Variants in TENM4 observed in about 807,000 individuals in gnomAD.
TENM4 encodes the protein teneurin-4.
TENM4 carries 82 observed loss-of-function variants against 243.3 expected under a neutral mutation model. That is an observed-to-expected ratio of 0.34 (90% CI 0.28 to 0.40). The LOEUF is 0.40. Ranked by LOEUF, TENM4 falls within the 10% of genes least tolerant of loss-of-function variation. The pLI, the probability that TENM4 is intolerant of heterozygous loss-of-function variation, is 1.00. For synonymous variants in TENM4, 1,412 were observed against 1,456.3 expected, an observed-to-expected ratio of 0.97 and a Z score of 0.69; for missense variants, 3,138 against 3,673.3, an observed-to-expected ratio of 0.85 and a Z score of 3.77.
At chr11:79,260,813 T>G (rs1444555780) in intron 2 of TENM4, among the ~76,000 whole-genome samples, 3 of 152,216 alleles carry the variant, frequency 2.0e-5, no homozygotes, top group African/African-American at 4.8e-5. Flanking sequence ...TGACACAGAC[T>G]GGCCTGAGGT....
chr11:79,164,235 CAG>C (rs1284882657), intron 3 of TENM4, among the ~76,000 whole-genome samples: 8 of 56,780 alleles, frequency 1.4e-4, no homozygotes, highest in Admixed American at 3.8e-4. Flanking sequence ...ATACTATATA[CAG>C]TATATATAGT....
intron 12 of TENM4, among the ~76,000 whole-genome samples, chr11:78,823,301 C>A (rs1177741687): frequency 6.6e-6 from 1 of 152,218 alleles, no homozygotes; most frequent in Non-Finnish European, 1.5e-5. Context: ...GACAACACCT[C>A]GCCCCGTTCC....
chr11:79,005,847 C>G (rs1858466760), intron 6 of TENM4, among the ~76,000 whole-genome samples: 1 of 152,102 alleles, frequency 6.6e-6, no homozygotes, highest in African/African-American at 2.4e-5. Flanking sequence ...TAGAAAACTC[C>G]ACAGTTTCTA....
intron 6 of TENM4, chr11:78,962,228 G>A (rs959751884): frequency 6.6e-6 from 1 of 152,444 alleles, no homozygotes; most frequent in Non-Finnish European, 1.5e-5. Context: ...CTGAGTCCGG[G>A]GTTGGCTGGG....
intron 2 of TENM4, among the ~76,000 whole-genome samples, chr11:79,233,101 C>T (rs567774663): frequency 2.0e-5 from 3 of 152,162 alleles, no homozygotes; most frequent in African/African-American, 7.2e-5. Context: ...CATGCCAGCC[C>T]CTCTAGAAGC....
In TENM4 at chr11:78,670,529, C is replaced by T. The variant is rs1858296675; in HGVS notation, c.5816G>A (p.Ser1939Asn). The T allele has an allele frequency of 6.2e-7, 1 of 1,609,572 alleles. No individual in the cohort carries two copies. The highest frequency in any genetic ancestry group is 8.5e-7 in the Non-Finnish European group (1 of 1,178,142). ...LEKSMVLLLHSQRQYIFEFDK... is the reference protein window; with the variant it reads ...LEKSMVLLLHNQRQYIFEFDK... Reference sequence around the variant, plus strand: ...GAACTCAAAGATATACTGCCTCTGGCTGTGTAGTAGCAGCACCATGGACTG... The same window carrying T: ...GAACTCAAAGATATACTGCCTCTGGTTGTGTAGTAGCAGCACCATGGACTG... The change falls in exon 32 of 34, where the codon AGC (serine) becomes AAC (asparagine). Residue 1939 changes from serine (S) to asparagine (N), a missense_variant. By Grantham distance (46) the Ser-to-Asn change is conservative. Coordinates refer to ENST00000278550, the MANE Select transcript of TENM4 (RefSeq NM_001098816.3).
chr11:79,030,098 G>A (rs1859188293), intron 6 of TENM4, among the ~76,000 whole-genome samples: 8 of 152,098 alleles, frequency 5.3e-5, no homozygotes, highest in Admixed American at 5.2e-4. Context: ...CTTTTCATTC[G>A]GCAATCAGGC....
chr11:79,033,957 A>C (rs1045899354), intron 6 of TENM4, among the ~76,000 whole-genome samples: 29 of 152,212 alleles, frequency 1.9e-4, no homozygotes, highest in African/African-American at 6.3e-4. Flanking sequence ...ATCATTAATC[A>C]TAGGAGGCAT....
At chr11:79,182,217 A>G (rs1183736233) in intron 3 of TENM4, among the ~76,000 whole-genome samples, 1 of 152,230 alleles carries the variant, frequency 6.6e-6, no homozygotes, top group Non-Finnish European at 1.5e-5. Context: ...TAATCAAGAC[A>G]GCATGGTATT....
chr11:78,666,638 T>A (rs1858165553), intron 32 of TENM4, among the ~76,000 whole-genome samples: 1 of 152,212 alleles, frequency 6.6e-6, no homozygotes. Context: ...GAGGCCAGCA[T>A]GATTGTAGTG....
intron 6 of TENM4, among the ~76,000 whole-genome samples, chr11:78,981,104 C>G (rs1857782301): frequency 6.6e-6 from 1 of 152,104 alleles, no homozygotes; most frequent in African/African-American, 2.4e-5. Context: ...TATGAAGTAT[C>G]TGGCCTATTT....
chr11:78,800,263 C>T (rs972512624), intron 15 of TENM4, among the ~76,000 whole-genome samples: 2 of 152,190 alleles, frequency 1.3e-5, no homozygotes, highest in Non-Finnish European at 2.9e-5. Context: ...AGTGTACCCA[C>T]TTTATGCAAA....
At chr11:78,665,167 TTC>T (rs774157386) in intron 32 of TENM4, among the ~76,000 whole-genome samples, 30 of 151,970 alleles carry the variant, frequency 2.0e-4, no homozygotes, top group Middle Eastern at 6.8e-3. Context: ...TTTTCTTTCT[TTC>T]TCTTTCTTTT....
chr11:78,748,828 A>G (rs1856114159), intron 19 of TENM4, among the ~76,000 whole-genome samples: 9 of 152,178 alleles, frequency 5.9e-5, no homozygotes. Context: ...AACGCATGCT[A>G]TGAGCCAGAC....
intron 17 of TENM4, among the ~76,000 whole-genome samples, chr11:78,774,609 T>C (rs1359189125): frequency 3.3e-5 from 5 of 152,328 alleles, no homozygotes; most frequent in Middle Eastern, 6.8e-3. Context: ...ACTCAATATA[T>C]ATTTGTTAAA....
intron 1 of TENM4, among the ~76,000 whole-genome samples, chr11:79,348,418 C>G (rs1344883495): frequency 1.3e-5 from 2 of 152,146 alleles, no homozygotes; most frequent in Non-Finnish European, 2.9e-5. Context: ...GCCTCAGAGT[C>G]AAAATTCCAG....
intron 1 of TENM4, among the ~76,000 whole-genome samples, chr11:79,306,587 A>C (rs562178703): frequency 1.3e-5 from 2 of 152,204 alleles, no homozygotes; most frequent in Non-Finnish European, 2.9e-5. Context: ...TCCCTAAGGC[A>C]AGAAATGGTC....
intron 4 of TENM4, among the ~76,000 whole-genome samples, chr11:79,078,586 A>G (rs1044873199): frequency 6.6e-6 from 1 of 152,166 alleles, no homozygotes; most frequent in Non-Finnish European, 1.5e-5. Flanking sequence ...AAGTTCACAC[A>G]ACACACCAGG....
At chr11:79,100,159 A>G (rs1013550774) in intron 4 of TENM4, among the ~76,000 whole-genome samples, 1 of 152,206 alleles carries the variant, frequency 6.6e-6, no homozygotes, top group African/African-American at 2.4e-5. Flanking sequence ...GGTTTCCGTA[A>G]ACATCAAATG....
Sources: allele counts gnomAD v4.1 joint callset (sites outside exome capture counted in the v4.1 genomes callset), GRCh38; gene constraint gnomAD v4.1.1; transcripts MANE v1.5; gene names NCBI Gene and HGNC (gene_info 2026-07-23, HGNC 2026-07-21).